ZNF248: variants seen among roughly 807,000 people sequenced by gnomAD.
ZNF248 encodes KRAB protein domain.
Under a neutral mutation model 44.3 loss-of-function variants are expected in ZNF248, and 20 were observed. The observed-to-expected ratio is 0.45, with a 90% CI of 0.32 to 0.66. The LOEUF is 0.66. Ranked by LOEUF, ZNF248 falls within the 30% of genes least tolerant of loss-of-function variation. The probability of loss-of-function intolerance (pLI) is 0.04; values close to 1 mark genes in which losing one functional copy is unlikely to be tolerated. For missense variants in ZNF248, 654 were observed against 677.0 expected, an observed-to-expected ratio of 0.97 and a Z score of 0.38; for synonymous variants, 224 against 229.0, an observed-to-expected ratio of 0.98 and a Z score of 0.20.
At chr10:37,797,773 T>G (rs1213420573) in intron 6 of ZNF248, among the ~76,000 whole-genome samples, 1 of 152,024 alleles carries the variant, frequency 6.6e-6, no homozygotes, top group African/African-American at 2.4e-5. Context: ...TCACACCCAC[T>G]AGAAAAGCTG....
chr10:37,854,161 C>T (rs2060844661), intron 3 of ZNF248, among the ~76,000 whole-genome samples: 1 of 152,158 alleles, frequency 6.6e-6, no homozygotes, highest in East Asian at 1.9e-4. Context: ...TGGGCAGATT[C>T]TTTATAATCA....
intron 3 of ZNF248, among the ~76,000 whole-genome samples, chr10:37,852,631 C>T (rs1320942112): frequency 1.3e-5 from 2 of 150,800 alleles, no homozygotes; most frequent in African/African-American, 2.4e-5. Flanking sequence ...AAGACCCTAT[C>T]TCTCTCTATA....
intron 6 of ZNF248, among the ~76,000 whole-genome samples, chr10:37,809,878 C>T (rs1220404136): frequency 2.0e-5 from 3 of 152,058 alleles, no homozygotes; most frequent in African/African-American, 4.8e-5. Flanking sequence ...TAACTTCATA[C>T]TGTTGTGGTC....
intron 3 of ZNF248, among the ~76,000 whole-genome samples, chr10:37,848,269 TCC>T (rs1284970780): frequency 6.7e-6 from 1 of 149,584 alleles, no homozygotes; most frequent in Non-Finnish European, 1.5e-5. Context: ...AGAACGATAC[TCC>T]CTCTCAAAAG....
At chr10:37,807,262 A>G (rs2050718792) in intron 6 of ZNF248, among the ~76,000 whole-genome samples, 1 of 151,086 alleles carries the variant, frequency 6.6e-6, no homozygotes, top group South Asian at 2.1e-4. Context: ...TCATTGTTCT[A>G]TACATCTGTC....
At chr10:37,841,789 T>C (rs2058396015) in intron 3 of ZNF248, among the ~76,000 whole-genome samples, 1 of 152,188 alleles carries the variant, frequency 6.6e-6, no homozygotes, top group Non-Finnish European at 1.5e-5. Context: ...ACTACCTCTG[T>C]AGTCTTCCTC....
At chr10:37,857,824 G>A (rs1320622495), upstream of ZNF248, 1 of 152,490 alleles carries the variant, frequency 6.6e-6, no homozygotes, top group Non-Finnish European at 1.5e-5. Flanking sequence ...ACGGACCCCC[G>A]GGAGCCCCGG....
At chr10:37,845,416 A>G (rs2059169436) in intron 3 of ZNF248, among the ~76,000 whole-genome samples, 1 of 151,928 alleles carries the variant, frequency 6.6e-6, no homozygotes, top group Non-Finnish European at 1.5e-5. Context: ...AAATTAAGTC[A>G]CATTCACAGA....
intron 6 of ZNF248, chr10:37,803,625 G>C (rs959456593): frequency 6.6e-6 from 1 of 152,190 alleles, no homozygotes; most frequent in Non-Finnish European, 1.5e-5. Context: ...GATCAGAAGT[G>C]TGACCTTCCA....
chr10:37,798,568 G>C (rs552949618), intron 6 of ZNF248, among the ~76,000 whole-genome samples: 1 of 152,218 alleles, frequency 6.6e-6, no homozygotes, highest in South Asian at 2.1e-4. Flanking sequence ...TGTAAGAAGA[G>C]TGTAGAAATA....
chr10:37,837,521 C>A, intron 5 of ZNF248, 96 bp downstream of exon 5: 1 of 1,005,970 alleles, frequency 9.9e-7, no homozygotes, highest in Non-Finnish European at 1.5e-6. Context: ...TAAAAAGAGA[C>A]ATTTGTGAAA....
At chr10:37,782,742 G>A (rs930500919) in intron 6 of ZNF248, among the ~76,000 whole-genome samples, 1 of 152,078 alleles carries the variant, frequency 6.6e-6, no homozygotes, top group Non-Finnish European at 1.5e-5. Flanking sequence ...TCAAGGAATT[G>A]CCAGCAACAA....
intron 6 of ZNF248, among the ~76,000 whole-genome samples, chr10:37,781,507 T>G (rs1055256182): frequency 1.3e-5 from 2 of 152,200 alleles, no homozygotes; most frequent in Non-Finnish European, 2.9e-5. Flanking sequence ...ATGTAAAATT[T>G]GTAACAGTTT....
intron 6 of ZNF248, among the ~76,000 whole-genome samples, chr10:37,807,880 T>C (rs1226829758): frequency 1.3e-5 from 2 of 152,186 alleles, no homozygotes; most frequent in African/African-American, 2.4e-5. Context: ...TTTTATTTAT[T>C]TTTTATTGCC....
rs777096938 is a variant in ZNF248 at position 37,832,677 on chromosome 10, C to T, written c.678G>A (p.Glu226=). 1 of 1,613,412 alleles carries T rather than the reference C, an allele frequency of 6.2e-7. No individual in the cohort carries two copies. The highest frequency in any genetic ancestry group is 1.1e-5 in the South Asian group (1 of 91,078). The stretch of plus-strand genomic sequence containing the variant: ...ATCTCTTATTTGTAAAAAATGCTGC[C>T]TCATCATGGAAGCCTTGTCCATTTT... ...YSKNGQGFHD[E]AAFFTNKRSQ... is the part of the protein sequence containing the mutation. The change falls in exon 6 of 6, where the codon GAG becomes GAA. Residue 226 remains glutamate, a synonymous_variant. Coordinates refer to ENST00000395867, the MANE Select transcript of ZNF248 (RefSeq NM_021045.3).
Position 37,831,642 on chromosome 10 carries a change from T to G in ZNF248, c.1713A>C (p.Thr571=). ...AGGATGTTGAAAGAGCTTTCACCCT[T>G]GTGTGAATTCTCTGATGTTTGGTGA... is the stretch of plus-strand genomic sequence containing the variant. ...SVLTKHQRIH[T]RVKALSTS The change falls in exon 6 of 6, where the codon ACA becomes ACC. Residue 571 remains threonine, a synonymous_variant. Transcript: ENST00000395867. The G allele has an allele frequency of 6.2e-7, 1 of 1,613,768 alleles. No homozygotes were observed. Among genetic ancestry groups the G allele is most frequent in the African/African-American group, 1.3e-5 (1 of 75,056 alleles).
In ZNF248 at chr10:37,787,516, T is replaced by C. The variant is rs1280334293; in HGVS notation, c.331-10941A>G. 7.9e-5 allele frequency among the ~76,000 whole-genome samples: 12 copies of C among 152,072 alleles called. No individual in the cohort carries two copies. In the South Asian group the frequency reaches 1.2e-3, roughly 16 times the overall value. The stretch of plus-strand genomic sequence containing the variant: ...TGTTTTTCGGTTTTTGGTTTATTTA[T>C]TTATTTATTTATTTTTGGTCAACTG... On this transcript the variant is annotated intron_variant, in intron 6 of 6. Transcript: ENST00000615949.
chr10:37,836,771 T>TACACACACACACAC (rs72082671), intron 5 of ZNF248, among the ~76,000 whole-genome samples: 1 of 148,388 alleles, frequency 6.7e-6, no homozygotes, highest in African/African-American at 2.5e-5. Context: ...CACAGACATG[T>TACACACACACACAC]ACACACACAC....
chr10:37,773,130 C>G (rs1028903606), downstream of ZNF248, among the ~76,000 whole-genome samples: 11 of 152,180 alleles, frequency 7.2e-5, no homozygotes, highest in Admixed American at 7.2e-4. Flanking sequence ...CCTGTAATCC[C>G]AGCTACTCAG....
Sources: gnomAD v4.1 joint callset for allele counts (sites outside exome capture counted in the v4.1 genomes callset) on GRCh38, gnomAD v4.1.1 for gene constraint, MANE v1.5 for transcripts, NCBI Gene and HGNC (gene_info 2026-07-23, HGNC 2026-07-21) for gene names.